Variants in HEPHL1 observed in about 807,000 individuals in gnomAD.
HEPHL1 encodes hephaestin like 1.
HEPHL1 carries 123 observed loss-of-function variants against 122.0 expected under a neutral mutation model. That is an observed-to-expected ratio of 1.01 (90% confidence interval 0.87 to 1.17). The LOEUF (loss-of-function observed/expected upper bound fraction) is 1.17. Among genes scored for constraint, HEPHL1 ranks in the 50% most tolerant of loss-of-function variants. HEPHL1 has a pLI of 0.00. For synonymous variants in HEPHL1, 527 were observed against 508.9 expected (o/e 1.04, Z -0.48); for missense variants, 1,452 against 1,430.5 (o/e 1.01, Z -0.24).
In HEPHL1 at chr11:94,105,537, GCTCT is replaced by G. The variant is rs377409195; in HGVS notation, c.2906-451_2906-448del. 3.5e-3 allele frequency among the ~76,000 whole-genome samples: 540 copies of G among 152,278 alleles called. 3 individuals carry two copies. Among genetic ancestry groups the G allele is most frequent in the African/African-American group, 0.012 (501 of 41,550 alleles). On this transcript the variant is annotated intron_variant, in intron 16 of 19. Coordinates refer to ENST00000315765, the MANE Select transcript of HEPHL1 (RefSeq NM_001098672.2). ...AGGTCATGAGCTCAGCCCGTGTGAA[GCTCT>G]CTTTTATTTTTGGAGATTCAGCCAG...
At chr11:94,084,163 GA>G (rs1946196823) in intron 10 of HEPHL1, among the ~76,000 whole-genome samples, 1 of 151,632 alleles carries the variant, frequency 6.6e-6, no homozygotes, top group Non-Finnish European at 1.5e-5. Context: ...CATCTCTACA[GA>G]AAATACAAAA....
At chr11:94,054,711 T>C (rs571754482) in intron 2 of HEPHL1, among the ~76,000 whole-genome samples, 1 of 152,312 alleles carries the variant, frequency 6.6e-6, no homozygotes, top group East Asian at 1.9e-4. Flanking sequence ...CACATTGCCC[T>C]ACCTTAGTTC....
rs1314944416 is a variant in HEPHL1 at position 94,096,009 on chromosome 11, ATTTC to A, written c.2434+2375_2434+2378del. On this transcript the variant is annotated intron_variant, in intron 13 of 19. Coordinates refer to ENST00000315765, the MANE Select transcript of HEPHL1 (RefSeq NM_001098672.2). ...CTCTATTCCTAATTGAATACCCTTT[ATTTC>A]TTTCTCCTGCCTAATTGACCTGGCC... Among the ~76,000 whole-genome samples, 5 of 152,224 alleles carry A rather than the reference ATTTC, an allele frequency of 3.3e-5. No homozygotes were observed. The East Asian group carries it at 9.6e-4, about 29-fold the overall frequency.
intron 12 of HEPHL1, 64 bp from the exon 13 acceptor site, chr11:94,093,437 T>A (rs1946278236): frequency 1.9e-6 from 3 of 1,591,018 alleles, no homozygotes; most frequent in Non-Finnish European, 2.6e-6. Flanking sequence ...CCTGAATCAC[T>A]TAGAAGCGCT....
chr11:94,025,852 C>T (rs1022985737), intron 1 of HEPHL1, among the ~76,000 whole-genome samples: 1 of 152,214 alleles, frequency 6.6e-6, no homozygotes, highest in Non-Finnish European at 1.5e-5. Flanking sequence ...CAAATCTCAA[C>T]TTCTGTCTTA....
At chr11:94,050,260 C>T (rs141572020) in intron 2 of HEPHL1, among the ~76,000 whole-genome samples, 211 of 152,268 alleles carry the variant, frequency 1.4e-3, no homozygotes, top group Non-Finnish European at 2.7e-3. Context: ...TTTCTACATA[C>T]GGACTTAAGC....
At chr11:94,090,336 T>C (rs754568338) in intron 12 of HEPHL1, among the ~76,000 whole-genome samples, 17 of 152,328 alleles carry the variant, frequency 1.1e-4, no homozygotes, top group Middle Eastern at 3.4e-3. Context: ...AATTGTATAA[T>C]AACTTTGTCA....
At chr11:94,087,940 C>T (rs1946231744) in intron 11 of HEPHL1, among the ~76,000 whole-genome samples, 1 of 152,072 alleles carries the variant, frequency 6.6e-6, no homozygotes, top group Non-Finnish European at 1.5e-5. Context: ...TACACTCATC[C>T]CTCACCTCTA....
intron 17 of HEPHL1, among the ~76,000 whole-genome samples, chr11:94,110,408 C>A (rs893897698): frequency 2.0e-5 from 3 of 152,194 alleles, no homozygotes; most frequent in Admixed American, 1.3e-4. Context: ...GGAGGATCCA[C>A]TTCCAAACTT....
At chr11:94,101,422 A>G (rs1946366529) in intron 14 of HEPHL1, 87 bp downstream of exon 14, 1 of 1,311,010 alleles carries the variant, frequency 7.6e-7, no homozygotes, top group African/African-American at 1.5e-5. Context: ...TAAAGAGCTC[A>G]TCTTAATGTC....
chr11:94,083,820 T>C (rs2134440367), intron 10 of HEPHL1, among the ~76,000 whole-genome samples: 1 of 152,240 alleles, frequency 6.6e-6, no homozygotes, highest in East Asian at 1.9e-4. Flanking sequence ...ATGAATATTG[T>C]TTCCAAACTT....
chr11:94,100,392 C>T (rs1946358866), intron 13 of HEPHL1, among the ~76,000 whole-genome samples: 1 of 152,186 alleles, frequency 6.6e-6, no homozygotes, highest in Admixed American at 6.5e-5. Context: ...TGGGAGTCTA[C>T]TGACCATGAA....
At chr11:94,110,602 C>A (rs1260558566) in intron 17 of HEPHL1, among the ~76,000 whole-genome samples, 3 of 152,150 alleles carry the variant, frequency 2.0e-5, no homozygotes, top group Non-Finnish European at 4.4e-5. Flanking sequence ...ATTTCGCATA[C>A]CAACCCTTAT....
At chr11:94,070,566 C>G in intron 6 of HEPHL1, 24 bp downstream of exon 6, 1 of 1,577,662 alleles carries the variant, frequency 6.3e-7, no homozygotes, top group Non-Finnish European at 8.7e-7. Flanking sequence ...GTTGGTGTTT[C>G]TAAGCCTCTC....
rs2134441845 is a variant in HEPHL1 at position 94,086,185 on chromosome 11, T to C, written c.2076T>C (p.His692=). The C allele has an allele frequency of 6.2e-7, 1 of 1,608,434 alleles. No homozygotes were observed. The highest frequency in any genetic ancestry group is 8.5e-7 in the Non-Finnish European group (1 of 1,177,610). ...MATTAFMQPD[H]AGIFRVFCAT... ...CAACAGCATTCATGCAGCCAGACCATGCAGGTAAACTTGCTGGGTCCATCT... is the reference window on the plus strand; with the variant it reads ...CAACAGCATTCATGCAGCCAGACCACGCAGGTAAACTTGCTGGGTCCATCT... The change falls in exon 11 of 20, where the codon CAT becomes CAC. Residue 692 remains histidine (H), a synonymous_variant. Transcript: ENST00000315765.
At chr11:94,076,223 C>T (rs545170395) in intron 9 of HEPHL1, among the ~76,000 whole-genome samples, 1 of 152,214 alleles carries the variant, frequency 6.6e-6, no homozygotes, top group African/African-American at 2.4e-5. Context: ...TGTTATAAGA[C>T]TGAATGTTTA....
At chr11:94,076,377 C>A (rs1350262821) in intron 9 of HEPHL1, among the ~76,000 whole-genome samples, 1 of 152,130 alleles carries the variant, frequency 6.6e-6, no homozygotes, top group Non-Finnish European at 1.5e-5. Flanking sequence ...AACACAGGAC[C>A]TTGAACATCC....
intron 9 of HEPHL1, among the ~76,000 whole-genome samples, chr11:94,075,625 G>T (rs1339117543): frequency 2.6e-5 from 4 of 152,060 alleles, no homozygotes; most frequent in African/African-American, 9.7e-5. Context: ...TTAGGATTTG[G>T]CAGGCCTCTT....
At chr11:94,044,034 G>A (rs1343327546) in intron 1 of HEPHL1, among the ~76,000 whole-genome samples, 2 of 151,892 alleles carry the variant, frequency 1.3e-5, no homozygotes, top group Non-Finnish European at 2.9e-5. Flanking sequence ...AGCTACATTG[G>A]GATGGCTGCA....
Sources: gnomAD v4.1 joint callset for allele counts (sites outside exome capture counted in the v4.1 genomes callset) on GRCh38, gnomAD v4.1.1 for gene constraint, MANE v1.5 for transcripts, NCBI Gene and HGNC (gene_info 2026-07-23, HGNC 2026-07-21) for gene names.